DNAH11: variants seen among roughly 807,000 people sequenced by gnomAD.
DNAH11 encodes dynein axonemal heavy chain 11, also known as axonemal beta dynein heavy chain 11.
A neutral mutation model predicts 526.0 loss-of-function variants in DNAH11; 442 were observed. The observed-to-expected ratio is 0.84, with a 90% CI of 0.78 to 0.91. The LOEUF (loss-of-function observed/expected upper bound fraction) is 0.91, where lower values mean the gene tolerates loss of function less well. DNAH11 is among the 40% of genes least tolerant of loss of function. The pLI is 0.00. For missense variants in DNAH11, 6,989 were observed against 5,448.7 expected (o/e 1.28, Z -8.90); for synonymous variants, 2,461 against 1,935.9 (o/e 1.27, Z -7.12).
At chr7:21,734,349 G>A (rs73275651) in intron 45 of DNAH11, among the ~76,000 whole-genome samples, 19,440 of 152,222 alleles carry the variant, frequency 0.13, 1,606 homozygotes, top group African/African-American at 0.23. Context: ...TAATATGTGG[G>A]AAAGGCCAGC....
chr7:21,750,182 GC>G, intron 53 of DNAH11, 39 bp from the exon 54 acceptor site: 1 of 1,532,474 alleles, frequency 6.5e-7, no homozygotes, highest in Non-Finnish European at 8.8e-7. Flanking sequence ...AATTTAAATT[GC>G]AATGATCTTT....
intron 42 of DNAH11, among the ~76,000 whole-genome samples, 166 bp downstream of exon 42, chr7:21,712,026 A>G (rs1421047802): frequency 1.3e-5 from 2 of 152,210 alleles, no homozygotes; most frequent in African/African-American, 2.4e-5. Flanking sequence ...CCATTAAACA[A>G]TAACACCTCA....
At chr7:21,652,364 G>T (rs1184578645) in intron 28 of DNAH11, among the ~76,000 whole-genome samples, 1 of 152,196 alleles carries the variant, frequency 6.6e-6, no homozygotes, top group Non-Finnish European at 1.5e-5. Context: ...AAGGTAAAAT[G>T]TTGATGGCCG....
intron 25 of DNAH11, among the ~76,000 whole-genome samples, chr7:21,632,039 T>A (rs113868269): frequency 6.6e-6 from 1 of 152,168 alleles, no homozygotes; most frequent in African/African-American, 2.4e-5. Context: ...CACACCTCAG[T>A]TCTTGACTTT....
intron 66 of DNAH11, among the ~76,000 whole-genome samples, chr7:21,850,608 C>CTTTTTTTTTTTT (rs3062635): frequency 1.1e-4 from 7 of 62,682 alleles, no homozygotes; most frequent in Admixed American, 4.1e-4. Flanking sequence ...CTGTCTTCTT[C>CTTTTTTTTTTTT]TTTTTTTTTT....
Position 21,744,917 on chromosome 7 carries a change from C to G in DNAH11, c.8364C>G (p.His2788Gln). ...TTCAACAGCCCCTCATTTATTGCCACTTTGCTGATAGAGGGAAGGACCCAC... is the reference window on the plus strand; with the variant it reads ...TTCAACAGCCCCTCATTTATTGCCAGTTTGCTGATAGAGGGAAGGACCCAC... ...MLLQQPLIYC[H>Q]FADRGKDPHY... Residue 2788 changes from histidine to glutamine, a missense_variant, in exon 51 of 82, where the codon CAC (histidine) becomes CAG (glutamine). By Grantham distance (24) the His-to-Gln change is conservative. Coordinates refer to ENST00000409508, the MANE Select transcript of DNAH11 (RefSeq NM_001277115.2). 2.5e-6 allele frequency: 4 copies of G among 1,611,232 alleles called. No individual in the cohort carries two copies. Among genetic ancestry groups the G allele is most frequent in the Non-Finnish European group, 3.4e-6 (4 of 1,178,720 alleles).
At position 21,710,736 on chromosome 7, in the gene DNAH11, T is replaced by A. The variant is rs751315980; in HGVS notation, c.6834+33T>A. 2.5e-6 allele frequency: 4 copies of A among 1,589,728 alleles called. No homozygotes were observed. The East Asian group carries it at 6.8e-5, about 27-fold the overall frequency. Reference sequence around the variant, plus strand: ...AAACCTCTGTTCTCAACCTTAAATATAACATCCTGAGTGTATTAAGAGTTC... The same window carrying A: ...AAACCTCTGTTCTCAACCTTAAATAAAACATCCTGAGTGTATTAAGAGTTC... On this transcript the variant is annotated intron_variant, in intron 41 of 81. Transcript: ENST00000409508.
intron 68 of DNAH11, 21 bp downstream of exon 68, chr7:21,854,476 A>C: frequency 6.2e-7 from 1 of 1,606,754 alleles, no homozygotes; most frequent in Non-Finnish European, 8.5e-7. Flanking sequence ...ATGAGCTAAG[A>C]AATATGGGAA....
Position 21,591,580 on chromosome 7 carries a change from A to G in DNAH11, c.2667+3A>G, listed in dbSNP as rs902968305. On this transcript the variant is annotated splice_donor_region_variant and intron_variant, in intron 14 of 81. Transcript: ENST00000409508. ...GCAAGATCCACAACTTGGTCGAGGTAATGGCTTTTAACCTTTCAAGATTTA... is the reference window on the plus strand; with the variant it reads ...GCAAGATCCACAACTTGGTCGAGGTGATGGCTTTTAACCTTTCAAGATTTA... The G allele has an allele frequency of 2.6e-6, 4 of 1,542,728 alleles. No homozygotes were observed. The highest frequency in any genetic ancestry group is 2.3e-5 in the East Asian group (1 of 44,092).
Position 21,773,834 on chromosome 7 carries a change from C to T in DNAH11, c.9171C>T (p.Thr3057=). 2 of 1,608,480 alleles carry T rather than the reference C, an allele frequency of 1.2e-6. No individual in the cohort carries two copies. The highest frequency in any genetic ancestry group is 2.2e-5 in the South Asian group (2 of 89,476). ...HVHTTVNEMS[T]RYYQNERRHN... is the part of the protein sequence containing the mutation. ...ACACCACTGTAAATGAAATGAGTAC[C>T]AGATATTACCAGAATGAGAGAAGAC... is the stretch of plus-strand genomic sequence containing the variant. Residue 3057 remains threonine (T), a synonymous_variant, in exon 56 of 82, where the codon ACC becomes ACT. Coordinates refer to ENST00000409508, the MANE Select transcript of DNAH11 (RefSeq NM_001277115.2).
At position 21,901,380 on chromosome 7, in the gene DNAH11, G is replaced by A. The variant is rs192395057; in HGVS notation, c.*126G>A. ...CTCACACGTGCATTCTTTTTTCAAC[G>A]CTATCCTTAGAGTGAAAGTCAGAAA... is the stretch of plus-strand genomic sequence containing the variant. On this transcript the variant is annotated 3_prime_UTR_variant, in exon 82 of 82. Transcript: ENST00000409508. 282 of 1,298,338 alleles carry A rather than the reference G, an allele frequency of 2.2e-4. No individual in the cohort carries two copies. Among genetic ancestry groups the A allele is most frequent in the Non-Finnish European group, 2.6e-4 (260 of 1,000,106 alleles). The allele number at this position is 1,298,338 out of a possible 1,614,324, so 80.4% of individuals were successfully genotyped here.
At position 21,726,935 on chromosome 7, in the gene DNAH11, C is replaced by CTTTTCTTTTTT. The variant is rs1416369487; in HGVS notation, c.7440+955_7440+956insCTTTTTTTTTT. 1.6e-4 allele frequency among the ~76,000 whole-genome samples: 5 copies of CTTTTCTTTTTT among 31,990 alleles called. 2 individuals carry two copies. The highest frequency in any genetic ancestry group is 2.5e-4 in the Non-Finnish European group (5 of 19,762). The allele number at this position is 31,990 out of a possible 152,430, so 21.0% of individuals were successfully genotyped here. On this transcript the variant is annotated intron_variant, in intron 45 of 81. Coordinates refer to ENST00000409508, the MANE Select transcript of DNAH11 (RefSeq NM_001277115.2). ...CTGTTATATTTCTGCATCCTCTTTT[C>CTTTTCTTTTTT]TTTTTTTTTTTTTTTTGAGATGGAG...
At chr7:21,711,274 A>C (rs1389629037) in intron 41 of DNAH11, among the ~76,000 whole-genome samples, 1 of 152,150 alleles carries the variant, frequency 6.6e-6, no homozygotes, top group African/African-American at 2.4e-5. Flanking sequence ...TTTAGTAACC[A>C]CCTTAAATTA....
At chr7:21,588,745 C>T in intron 11 of DNAH11, 109 bp downstream of exon 11, 1 of 1,253,238 alleles carries the variant, frequency 8.0e-7, no homozygotes, top group Non-Finnish European at 1.1e-6. Flanking sequence ...TTGCCCTGTT[C>T]ACTTCTCTCA....
rs531568729 is a variant in DNAH11, at chr7:21,723,179, T to C, written c.7266+2323T>C. On this transcript the variant is annotated intron_variant, in intron 44 of 81. Transcript: ENST00000409508. ...GATAGCCACTTGGTAGCTTAACAAATTGAGTGTCTAATATGTGTCAGGGAA... is the reference window on the plus strand; with the variant it reads ...GATAGCCACTTGGTAGCTTAACAAACTGAGTGTCTAATATGTGTCAGGGAA... Among the ~76,000 whole-genome samples, 35 of 152,334 alleles carry C rather than the reference T, an allele frequency of 2.3e-4. No individual in the cohort carries two copies. The South Asian group carries it at 6.8e-3, about 30-fold the overall frequency.
intron 7 of DNAH11, among the ~76,000 whole-genome samples, chr7:21,571,281 T>G (rs1341419528): frequency 6.6e-6 from 1 of 152,086 alleles, no homozygotes; most frequent in East Asian, 1.9e-4. Context: ...CGAGATAGTT[T>G]TTGTTTTCTT....
intron 36 of DNAH11, among the ~76,000 whole-genome samples, chr7:21,699,033 TTTTC>T (rs1394655260): frequency 8.5e-4 from 130 of 152,320 alleles, no homozygotes; most frequent in African/African-American, 2.9e-3. Context: ...AGCTGTGTGA[TTTTC>T]TTTGTCAATT....
chr7:21,687,176 C>G lies in DNAH11; in HGVS notation c.5699C>G (p.Thr1900Arg), dbSNP rs763949207. 1.2e-6 allele frequency: 2 copies of G among 1,612,682 alleles called. No homozygotes were observed. The highest frequency in any genetic ancestry group is 1.7e-6 in the Non-Finnish European group (2 of 1,179,356). The change falls in exon 33 of 82, where the codon ACA becomes AGA. Residue 1900 changes from threonine to arginine, a missense_variant. Thr to Arg is a moderately conservative substitution (Grantham distance 71). Coordinates refer to ENST00000409508, the MANE Select transcript of DNAH11 (RefSeq NM_001277115.2). ...GCTGGCCCAGCTGGTACCGGGAAAA[C>G]AGAGACCACCAAAGACCTAGGACGT... Reference protein sequence around the residue: ...APAGPAGTGKTETTKDLGRAL... With the variant: ...APAGPAGTGKRETTKDLGRAL...
At chr7:21,782,621 T>C (rs1787997353) in intron 57 of DNAH11, among the ~76,000 whole-genome samples, 1 of 152,154 alleles carries the variant, frequency 6.6e-6, no homozygotes, top group Non-Finnish European at 1.5e-5. Flanking sequence ...CTGATAGAAA[T>C]GGCACTTTAG....
Sources: allele counts gnomAD v4.1 joint callset (sites outside exome capture counted in the v4.1 genomes callset), GRCh38; gene constraint gnomAD v4.1.1; transcripts MANE v1.5; gene names NCBI Gene and HGNC (gene_info 2026-07-23, HGNC 2026-07-21).